DNM3: variants seen among roughly 807,000 people sequenced by gnomAD.
DNM3 encodes dynamin 3, also known as dynamin-3.
A neutral mutation model predicts 101.6 loss-of-function variants in DNM3; 47 were observed. That is an observed-to-expected ratio of 0.46 (90% CI 0.37 to 0.59). The LOEUF is 0.59. Among genes scored for constraint, DNM3 ranks in the 20% least tolerant of loss-of-function variants. The probability of loss-of-function intolerance (pLI) is 0.00; values close to 1 mark genes in which losing one functional copy is unlikely to be tolerated. For synonymous variants in DNM3, 385 were observed against 387.9 expected, an observed-to-expected ratio of 0.99 and a Z score of 0.09; for missense variants, 849 against 1,085.7, an observed-to-expected ratio of 0.78 and a Z score of 3.06.
intron 14 of DNM3, among the ~76,000 whole-genome samples, chr1:172,245,990 C>T (rs949579806): frequency 5.3e-5 from 8 of 152,108 alleles, no homozygotes; most frequent in Non-Finnish European, 1.0e-4. Context: ...TTTACAGTCA[C>T]GGCTAAAGGT....
intron 16 of DNM3, among the ~76,000 whole-genome samples, chr1:172,315,443 C>A (rs2065290979): frequency 6.6e-6 from 1 of 152,162 alleles, no homozygotes; most frequent in African/African-American, 2.4e-5. Context: ...CTACTCCGAG[C>A]TACAGGAGGA....
At chr1:172,092,216 G>T (rs987665611) in intron 12 of DNM3, among the ~76,000 whole-genome samples, 1 of 152,036 alleles carries the variant, frequency 6.6e-6, no homozygotes, top group Non-Finnish European at 1.5e-5. Context: ...ATACATATTT[G>T]GATCTACATG....
At chr1:171,932,535 A>C (rs1379093040) in intron 2 of DNM3, among the ~76,000 whole-genome samples, 1 of 151,994 alleles carries the variant, frequency 6.6e-6, no homozygotes, top group Non-Finnish European at 1.5e-5. Context: ...TCCTATTAAA[A>C]TTTTTGATGG....
At chr1:172,069,014 A>T (rs1209890198) in intron 11 of DNM3, 109 bp downstream of exon 11, 3 of 820,642 alleles carry the variant, frequency 3.7e-6, no homozygotes, top group Non-Finnish European at 5.9e-6. Flanking sequence ...AGGAAAAAAA[A>T]ATAGTGGAAC....
intron 4 of DNM3, among the ~76,000 whole-genome samples, chr1:172,009,215 C>A (rs2046956434): frequency 6.9e-6 from 1 of 145,276 alleles, no homozygotes; most frequent in Non-Finnish European, 1.5e-5. Flanking sequence ...TCTGGACTCA[C>A]TATTTTGTTT....
At chr1:171,997,246 A>G in intron 4 of DNM3, among the ~76,000 whole-genome samples, 1 of 152,290 alleles carries the variant, frequency 6.6e-6, no homozygotes, top group East Asian at 1.9e-4. Flanking sequence ...GCTTGATAAT[A>G]CTAAAAAATA....
rs2071152468 is a variant in DNM3, at chr1:172,410,647, G to A, written c.*2806G>A. On this transcript the variant is annotated 3_prime_UTR_variant, in exon 21 of 21. Transcript: ENST00000627582. ...AAACATCTACCAAGGTTACTCGTCT[G>A]AATATTGCTTTTAGCCGTGTTTTAT... The A allele has an allele frequency of 1.6e-5, 16 of 985,182 alleles. No individual in the cohort carries two copies. The highest frequency in any genetic ancestry group is 9.4e-5 in the South Asian group (2 of 21,290). The allele number at this position is 985,182 out of a possible 1,614,324, so 61.0% of individuals were successfully genotyped here.
chr1:172,402,222 TA>T (rs79277962), intron 20 of DNM3, among the ~76,000 whole-genome samples: 41,510 of 152,006 alleles, frequency 0.27, 5,967 homozygotes, highest in South Asian at 0.37. Context: ...CATTGAGAAG[TA>T]AAGCATTTCA....
chr1:171,859,429 G>A (rs1359641230), intron 1 of DNM3, among the ~76,000 whole-genome samples: 1 of 152,126 alleles, frequency 6.6e-6, no homozygotes, highest in African/African-American at 2.4e-5. Context: ...CCTCTCGAGG[G>A]CAGGGTCTCT....
intron 14 of DNM3, among the ~76,000 whole-genome samples, chr1:172,236,227 A>T (rs1446694457): frequency 6.6e-6 from 1 of 152,032 alleles, no homozygotes; most frequent in African/African-American, 2.4e-5. Flanking sequence ...CCTACCTCCA[A>T]CCCATAGCTC....
intron 15 of DNM3, among the ~76,000 whole-genome samples, chr1:172,306,558 G>C (rs2064825530): frequency 6.6e-6 from 1 of 152,190 alleles, no homozygotes; most frequent in Non-Finnish European, 1.5e-5. Flanking sequence ...CCAAAAAAGA[G>C]CCCGCATTGC....
At chr1:172,036,982 G>C (rs2049016811) in intron 6 of DNM3, among the ~76,000 whole-genome samples, 2 of 86,666 alleles carry the variant, frequency 2.3e-5, no homozygotes, top group Admixed American at 2.1e-4. Context: ...GTGGGCAAAG[G>C]ACATGAACAG....
chr1:172,072,465 C>A (rs1191248240), intron 11 of DNM3, among the ~76,000 whole-genome samples: 1 of 152,140 alleles, frequency 6.6e-6, no homozygotes, highest in African/African-American at 2.4e-5. Flanking sequence ...GGTCAGATGA[C>A]TGGTTGAGAT....
At chr1:172,397,681 C>A (rs1251282721) in intron 20 of DNM3, among the ~76,000 whole-genome samples, 2 of 152,130 alleles carry the variant, frequency 1.3e-5, no homozygotes, top group Admixed American at 6.5e-5. Flanking sequence ...TTTGAATAAA[C>A]CCATTGAAAT....
chr1:172,349,046 A>C (rs974837072), intron 17 of DNM3, among the ~76,000 whole-genome samples: 1 of 151,888 alleles, frequency 6.6e-6, no homozygotes, highest in Non-Finnish European at 1.5e-5. Flanking sequence ...TGAGACCACC[A>C]CCCCCAGTGT....
At chr1:172,229,817 T>C (rs986158364) in intron 14 of DNM3, among the ~76,000 whole-genome samples, 2 of 152,238 alleles carry the variant, frequency 1.3e-5, no homozygotes, top group African/African-American at 4.8e-5. Flanking sequence ...TTCTCCTCAC[T>C]GAGAAACTGG....
At chr1:172,281,630 G>C (rs944000286) in intron 15 of DNM3, among the ~76,000 whole-genome samples, 1 of 151,808 alleles carries the variant, frequency 6.6e-6, no homozygotes, top group South Asian at 2.1e-4. Flanking sequence ...AGTAATTATT[G>C]TTACTTTTTA....
At position 172,275,329 on chromosome 1, in the gene DNM3, C is replaced by T. The variant is rs141493795; in HGVS notation, c.1769+21647C>T. Among the ~76,000 whole-genome samples the T allele has an allele frequency of 3.9e-3, 588 of 152,056 alleles. 9 individuals carry two copies. Among genetic ancestry groups the T allele is most frequent in the African/African-American group, 0.013 (556 of 41,512 alleles). On this transcript the variant is annotated intron_variant, in intron 15 of 20. Coordinates refer to ENST00000627582, the MANE Select transcript of DNM3 (RefSeq NM_015569.5). ...AACATACAGAACAAGAACATGCAGG[C>T]TCAATATTTGTCACTAAAGTTATTT...
At chr1:172,417,692 C>T (rs1347386417), downstream of DNM3, among the ~76,000 whole-genome samples, 1 of 152,198 alleles carries the variant, frequency 6.6e-6, no homozygotes, top group Admixed American at 6.5e-5. Flanking sequence ...TCACCTGGAG[C>T]AAATTCTTAT....
Sources: allele counts gnomAD v4.1 joint callset (sites outside exome capture counted in the v4.1 genomes callset), GRCh38; gene constraint gnomAD v4.1.1; transcripts MANE v1.5; gene names NCBI Gene and HGNC (gene_info 2026-07-23, HGNC 2026-07-21).